Variants in CNTN4 observed in about 807,000 individuals in gnomAD.
CNTN4 encodes the protein contactin 4, also known as contactin-4.
In CNTN4, 77 loss-of-function variants were observed where a neutral mutation model predicts 122.5. The observed-to-expected ratio is 0.63, with a 90% CI of 0.52 to 0.76. The LOEUF is 0.76. CNTN4 is among the 30% of genes least tolerant of loss of function. The probability of loss-of-function intolerance (pLI) is 0.00; values close to 1 mark genes in which losing one functional copy is unlikely to be tolerated. For synonymous variants in CNTN4, 512 were observed against 447.0 expected (o/e 1.15, Z -1.83); for missense variants, 1,256 against 1,259.1 (o/e 1.00, Z 0.04).
At chr3:2,429,237 T>C (rs1454920837) in intron 3 of CNTN4, among the ~76,000 whole-genome samples, 1 of 152,234 alleles carries the variant, frequency 6.6e-6, no homozygotes, top group Non-Finnish European at 1.5e-5. Flanking sequence ...TCTTTGATGA[T>C]GGTGACCTAC....
At chr3:2,763,115 T>G (rs1008884879) in intron 6 of CNTN4, among the ~76,000 whole-genome samples, 1 of 151,918 alleles carries the variant, frequency 6.6e-6, no homozygotes, top group Non-Finnish European at 1.5e-5. Context: ...CTAATTTTGT[T>G]TTTGTATTTT....
At chr3:2,403,252 T>C (rs1444808859) in intron 3 of CNTN4, among the ~76,000 whole-genome samples, 1 of 152,090 alleles carries the variant, frequency 6.6e-6, no homozygotes, top group African/African-American at 2.4e-5. Flanking sequence ...ACACTAGATA[T>C]AACCTCAGAA....
intron 14 of CNTN4, among the ~76,000 whole-genome samples, chr3:3,021,092 C>T (rs1357329992): frequency 2.6e-5 from 4 of 152,154 alleles, no homozygotes; most frequent in African/African-American, 9.7e-5. Context: ...TGCCAATCCC[C>T]CAGCATGTAC....
chr3:2,950,990 G>A (rs2094736113), intron 13 of CNTN4, among the ~76,000 whole-genome samples: 1 of 152,170 alleles, frequency 6.6e-6, no homozygotes, highest in Non-Finnish European at 1.5e-5. Context: ...TTCACTAGCT[G>A]TATCACTTTG....
At chr3:2,371,246 G>C (rs1053992375) in intron 3 of CNTN4, among the ~76,000 whole-genome samples, 4 of 152,150 alleles carry the variant, frequency 2.6e-5, no homozygotes, top group African/African-American at 9.7e-5. Context: ...GTAAAGACTA[G>C]CATTCTTTTT....
intron 3 of CNTN4, among the ~76,000 whole-genome samples, chr3:2,480,827 A>T (rs965388318): frequency 3.3e-5 from 5 of 152,132 alleles, no homozygotes; most frequent in African/African-American, 9.7e-5. Flanking sequence ...CAATTGAATG[A>T]CTCTACTCAA....
intron 4 of CNTN4, among the ~76,000 whole-genome samples, chr3:2,645,438 A>G (rs958927632): frequency 1.3e-5 from 2 of 152,234 alleles, no homozygotes; most frequent in African/African-American, 4.8e-5. Context: ...ATCAATTTAC[A>G]TAGAACAATT....
At chr3:2,227,043 T>C (rs2039310881) in intron 2 of CNTN4, among the ~76,000 whole-genome samples, 1 of 152,282 alleles carries the variant, frequency 6.6e-6, no homozygotes, top group Non-Finnish European at 1.5e-5. Flanking sequence ...CTGTATAGAA[T>C]GTGATAGAAT....
chr3:2,857,931 C>A (rs528793852), intron 7 of CNTN4, among the ~76,000 whole-genome samples: 1 of 152,210 alleles, frequency 6.6e-6, no homozygotes, highest in South Asian at 2.1e-4. Flanking sequence ...ATTCTTATAC[C>A]AACAAAAGTA....
At chr3:2,566,442 G>A (rs79295583) in intron 3 of CNTN4, among the ~76,000 whole-genome samples, 17,887 of 152,218 alleles carry the variant, frequency 0.12, 1,321 homozygotes, top group Middle Eastern at 0.18. Context: ...GTAAGATCAC[G>A]TGGCAGGTCC....
In CNTN4 at chr3:2,278,280, A is replaced by G. The variant is rs201307032; in HGVS notation, c.-144-60898A>G. Among the ~76,000 whole-genome samples, 12 of 152,366 alleles carry G rather than the reference A, an allele frequency of 7.9e-5. No homozygotes were observed. In the East Asian group the frequency reaches 2.1e-3, roughly 27 times the overall value. On this transcript the variant is annotated intron_variant, in intron 2 of 24. Transcript: ENST00000418658. ...CAGTACAAAATACTAAAAAATCAAC[A>G]GAGTTATTTTCATGAATGGCTTAGT... is the stretch of plus-strand genomic sequence containing the variant.
At chr3:2,547,344 A>T (rs1043365383) in intron 3 of CNTN4, among the ~76,000 whole-genome samples, 1 of 151,850 alleles carries the variant, frequency 6.6e-6, no homozygotes, top group East Asian at 1.9e-4. Flanking sequence ...GCACACTGCA[A>T]CCTCTGTCCC....
intron 2 of CNTN4, among the ~76,000 whole-genome samples, chr3:2,168,477 A>T (rs1559305374): frequency 6.6e-6 from 1 of 152,270 alleles, no homozygotes; most frequent in East Asian, 1.9e-4. Flanking sequence ...ATTTTTAAAA[A>T]TGTAAATGCA....
rs150429820 is a variant in CNTN4, at chr3:2,405,234, A to G, written c.-89+66001A>G. ...ATGCCTAGCTCTTGGTCAGTATGGTACATATATTTCCAAGCTTTGTTTGGT... is the reference window on the plus strand; with the variant it reads ...ATGCCTAGCTCTTGGTCAGTATGGTGCATATATTTCCAAGCTTTGTTTGGT... On this transcript the variant is annotated intron_variant, in intron 3 of 24. Transcript: ENST00000418658. Among the ~76,000 whole-genome samples, 9 of 152,286 alleles carry G rather than the reference A, an allele frequency of 5.9e-5. No homozygotes were observed. In the East Asian group the frequency reaches 1.7e-3, roughly 29 times the overall value.
chr3:2,401,079 T>C (rs1054693414), intron 3 of CNTN4, among the ~76,000 whole-genome samples: 1 of 152,138 alleles, frequency 6.6e-6, no homozygotes, highest in East Asian at 1.9e-4. Context: ...AAATGGCTGA[T>C]CCCACTTTGA....
Position 2,642,668 on chromosome 3 carries a change from C to T in CNTN4, c.55+71110C>T, listed in dbSNP as rs527405764. 5.7e-4 allele frequency among the ~76,000 whole-genome samples: 87 copies of T among 152,150 alleles called. 1 individual carries two copies. Among genetic ancestry groups the T allele is most frequent in the African/African-American group, 2.1e-3 (86 of 41,480 alleles). ...AGCCAAATCTAATATGTGTAGCTTC[C>T]CTGTATTTGATGAATCCCCTCCTTA... is the stretch of plus-strand genomic sequence containing the variant. On this transcript the variant is annotated intron_variant, in intron 4 of 24. Coordinates refer to ENST00000418658, the MANE Select transcript of CNTN4 (RefSeq NM_175607.3).
chr3:2,781,152 T>G (rs1448775747), intron 6 of CNTN4, among the ~76,000 whole-genome samples: 1 of 152,188 alleles, frequency 6.6e-6, no homozygotes, highest in African/African-American at 2.4e-5. Context: ...TGTATCCACC[T>G]AAACGAGGAA....
At chr3:2,631,953 G>T (rs2082458174) in intron 4 of CNTN4, among the ~76,000 whole-genome samples, 1 of 151,604 alleles carries the variant, frequency 6.6e-6, no homozygotes, top group East Asian at 1.9e-4. Flanking sequence ...TTAGCAGGCT[G>T]AGTGAGAGGA....
At chr3:3,041,897 T>A (rs1264307359) in intron 20 of CNTN4, among the ~76,000 whole-genome samples, 1 of 152,194 alleles carries the variant, frequency 6.6e-6, no homozygotes, top group East Asian at 1.9e-4. Flanking sequence ...GAGGTCAGGC[T>A]GCAGTGAGCC....
Sources: gnomAD v4.1 joint callset for allele counts (sites outside exome capture counted in the v4.1 genomes callset) on GRCh38, gnomAD v4.1.1 for gene constraint, MANE v1.5 for transcripts, NCBI Gene and HGNC (gene_info 2026-07-23, HGNC 2026-07-21) for gene names.